Variants in SLC4A8 observed in about 807,000 individuals in gnomAD.
The protein encoded by SLC4A8 is solute carrier family 4 member 8, also known as electroneutral sodium bicarbonate exchanger 1.
Under a neutral mutation model 125.0 loss-of-function variants are expected in SLC4A8, and 40 were observed. That is an observed-to-expected ratio of 0.32 (90% CI 0.25 to 0.42). The LOEUF is 0.42. Ranked by LOEUF, SLC4A8 falls within the 10% of genes least tolerant of loss-of-function variation. The pLI is 1.00. For synonymous variants in SLC4A8, 456 were observed against 476.0 expected (o/e 0.96, Z 0.55); for missense variants, 863 against 1,355.1 (o/e 0.64, Z 5.70).
At chr12:51,504,748 G>A (rs1938090391) in intron 23 of SLC4A8, among the ~76,000 whole-genome samples, 1 of 152,206 alleles carries the variant, frequency 6.6e-6, no homozygotes, top group Non-Finnish European at 1.5e-5. Context: ...AGGGGGAATT[G>A]AACTGGGATC....
At chr12:51,457,644 C>A in intron 6 of SLC4A8, 105 bp downstream of exon 6, 1 of 1,061,356 alleles carries the variant, frequency 9.4e-7, no homozygotes, top group Non-Finnish European at 1.4e-6. Context: ...TAATATGTTT[C>A]CATGTCCACT....
Position 51,513,834 on chromosome 12 carries a change from A to G in SLC4A8, c.*6396A>G, listed in dbSNP as rs1938446286. The G allele has an allele frequency of 6.6e-6, 1 of 152,236 alleles. No homozygotes were observed. The highest frequency in any genetic ancestry group is 2.1e-4 in the South Asian group (1 of 4,836). The allele number at this position is 152,236 out of a possible 1,614,324, so 9.4% of individuals were successfully genotyped here. A position where few individuals can be genotyped will look rare whatever the true frequency, so the allele number is the denominator to read the frequency against. Reference sequence around the variant, plus strand: ...GTCCCAGGCTTGGTTGATATCTCAGACTATGATAGCTGTGACCTTCAAGAA... The same window carrying G: ...GTCCCAGGCTTGGTTGATATCTCAGGCTATGATAGCTGTGACCTTCAAGAA... On this transcript the variant is annotated 3_prime_UTR_variant, in exon 25 of 25. Coordinates refer to ENST00000453097, the MANE Select transcript of SLC4A8 (RefSeq NM_001039960.3).
upstream of SLC4A8, among the ~76,000 whole-genome samples, chr12:51,423,697 A>G (rs536839253): frequency 1.9e-4 from 29 of 152,264 alleles, no homozygotes; most frequent in African/African-American, 6.5e-4. Flanking sequence ...CCTGACCCCA[A>G]TTTGGACCTA....
intron 1 of SLC4A8, among the ~76,000 whole-genome samples, chr12:51,412,384 G>A (rs1258118624): frequency 6.6e-6 from 1 of 152,084 alleles, no homozygotes; most frequent in Non-Finnish European, 1.5e-5. Flanking sequence ...TCAAATCAGG[G>A]TATTTAGGAT....
intron 3 of SLC4A8, 39 bp downstream of exon 3, chr12:51,451,061 AG>A: frequency 7.1e-7 from 1 of 1,418,394 alleles, no homozygotes; most frequent in Non-Finnish European, 9.2e-7. Context: ...TCCATGGCCC[AG>A]GGGAATGGGG....
chr12:51,420,268 A>T (rs1283509367), upstream of SLC4A8: 3 of 152,142 alleles, frequency 2.0e-5, no homozygotes, highest in Non-Finnish European at 4.4e-5. Context: ...GGAAATTGGG[A>T]CCTATTTAAT....
rs1164782448 is a variant in SLC4A8, at chr12:51,476,901, CTTTTCTTTTTT to C, written c.2172+1700_2172+1710del. On this transcript the variant is annotated intron_variant, in intron 16 of 24. Transcript: ENST00000453097. ...ACAGCATTTTCTTGTTTTTCTTTTT[CTTTTCTTTTTT>C]TTTTTTTTTTTCTGAGATGGAGTCT... is the stretch of plus-strand genomic sequence containing the variant. Among the ~76,000 whole-genome samples, 3 of 127,702 alleles carry C rather than the reference CTTTTCTTTTTT, an allele frequency of 2.3e-5. No homozygotes were observed. In the East Asian group the frequency reaches 6.8e-4, roughly 29 times the overall value. The allele number at this position is 127,702 out of a possible 152,430, so 83.8% of individuals were successfully genotyped here. A position where few individuals can be genotyped will look rare whatever the true frequency, so the allele number is the denominator to read the frequency against.
At position 51,424,905 on chromosome 12, in the gene SLC4A8, T is replaced by A; in HGVS notation, c.-83T>A. On this transcript the variant is annotated 5_prime_UTR_variant, in exon 1 of 25. Coordinates refer to ENST00000453097, the MANE Select transcript of SLC4A8 (RefSeq NM_001039960.3). Reference sequence around the variant, plus strand: ...TCCGGGGTGGGGGTCGCCGTTCGAGTGATCTGCTCAGACCCGACCAGAGGG... The same window carrying A: ...TCCGGGGTGGGGGTCGCCGTTCGAGAGATCTGCTCAGACCCGACCAGAGGG... 7.0e-7 allele frequency: 1 copy of A among 1,420,686 alleles called. No homozygotes were observed. Among genetic ancestry groups the A allele is most frequent in the Non-Finnish European group, 9.6e-7 (1 of 1,039,420 alleles). 88.0% of individuals were successfully genotyped at this position (1,420,686 alleles called of 1,614,324 possible).
At chr12:51,396,925 A>ATTTTTTTTTTT (rs753146267) in intron 1 of SLC4A8, among the ~76,000 whole-genome samples, 6 of 106,308 alleles carry the variant, frequency 5.6e-5, no homozygotes, top group Non-Finnish European at 8.9e-5. Flanking sequence ...GCCTTAGTTA[A>ATTTTTTTTTTT]TTTTTTTTTT....
chr12:51,413,798 T>C (rs567424486), intron 1 of SLC4A8, among the ~76,000 whole-genome samples: 13 of 152,342 alleles, frequency 8.5e-5, no homozygotes, highest in African/African-American at 2.9e-4. Flanking sequence ...TTTATATCGA[T>C]ACCATGCTGG....
At chr12:51,473,918 T>C (rs1158921832) in intron 14 of SLC4A8, among the ~76,000 whole-genome samples, 1 of 152,172 alleles carries the variant, frequency 6.6e-6, no homozygotes, top group African/African-American at 2.4e-5. Context: ...GAATAAGATA[T>C]TCAGGCTTGG....
At chr12:51,453,792 G>C (rs943125091) in intron 5 of SLC4A8, 93 bp downstream of exon 5, 1 of 1,280,662 alleles carries the variant, frequency 7.8e-7, no homozygotes. Context: ...GAATACAGTG[G>C]GTTGTGTGTC....
At chr12:51,423,245 A>G (rs1948832925), upstream of SLC4A8, among the ~76,000 whole-genome samples, 1 of 152,228 alleles carries the variant, frequency 6.6e-6, no homozygotes, top group Admixed American at 6.5e-5. Flanking sequence ...GACAACTGCT[A>G]TAAGAAAGGT....
rs189565212 is a variant in SLC4A8 at position 51,480,430 on chromosome 12, C to G, written c.2172+5224C>G. The G allele has an allele frequency of 1.3e-5, 14 of 1,111,326 alleles. No individual in the cohort carries two copies. The Admixed American group carries it at 6.5e-4, about 51-fold the overall frequency. The allele number at this position is 1,111,326 out of a possible 1,614,324, so 68.8% of individuals were successfully genotyped here. On this transcript the variant is annotated intron_variant, in intron 16 of 24. Coordinates refer to ENST00000453097, the MANE Select transcript of SLC4A8 (RefSeq NM_001039960.3). Reference sequence around the variant, plus strand: ...TCTGTGAGTGAAAAGTGGAATAATACGTGGATTGGGTCAACTGATTATCAG... The same window carrying G: ...TCTGTGAGTGAAAAGTGGAATAATAGGTGGATTGGGTCAACTGATTATCAG...
At chr12:51,404,305 G>A (rs1227323113) in intron 1 of SLC4A8, among the ~76,000 whole-genome samples, 2 of 152,110 alleles carry the variant, frequency 1.3e-5, no homozygotes, top group Non-Finnish European at 2.9e-5. Flanking sequence ...AGATTGGGAT[G>A]GGGCAGTCAA....
chr12:51,499,583 A>G (rs1283962905), intron 22 of SLC4A8, among the ~76,000 whole-genome samples: 1 of 151,054 alleles, frequency 6.6e-6, no homozygotes, highest in East Asian at 2.0e-4. Flanking sequence ...CAACAAGCAA[A>G]CAAGTCTATA....
At chr12:51,399,164 T>C (rs1565748130) in intron 1 of SLC4A8, among the ~76,000 whole-genome samples, 1 of 152,360 alleles carries the variant, frequency 6.6e-6, no homozygotes, top group East Asian at 1.9e-4. Context: ...GAATAACTCA[T>C]TGGTAGATGA....
chr12:51,432,294 C>T (rs146648090), intron 1 of SLC4A8, among the ~76,000 whole-genome samples: 1,768 of 151,716 alleles, frequency 0.012, 33 homozygotes, highest in African/African-American at 0.04. Flanking sequence ...GCCTGTAGTC[C>T]CACCTACTCG....
chr12:51,452,244 G>A lies in SLC4A8; in HGVS notation c.398G>A (p.Trp133Ter), dbSNP rs140280036. ...ICMKEGEDAE[W>*]KETARWLKFE... ...ATGAAAGAGGGAGAAGATGCTGAGTGGAAGGAAACAGCCAGGTGAGGCCCT... is the reference window on the plus strand; with the variant it reads ...ATGAAAGAGGGAGAAGATGCTGAGTAGAAGGAAACAGCCAGGTGAGGCCCT... Residue 133 changes from tryptophan to a stop codon, truncating the protein, a stop_gained, in exon 4 of 25, where the codon TGG becomes TAG. Transcript: ENST00000453097. LOFTEE classifies it high-confidence loss of function. 1 of 1,614,086 alleles carries A rather than the reference G, an allele frequency of 6.2e-7. No homozygotes were observed. Among genetic ancestry groups the A allele is most frequent in the African/African-American group, 1.3e-5 (1 of 74,946 alleles).
Sources: gnomAD v4.1 joint callset for allele counts (sites outside exome capture counted in the v4.1 genomes callset) on GRCh38, gnomAD v4.1.1 for gene constraint, MANE v1.5 for transcripts, NCBI Gene and HGNC (gene_info 2026-07-23, HGNC 2026-07-21) for gene names.